The following IGSF9B variants were observed in gnomAD, a reference collection of about 807,000 sequenced individuals.
IGSF9B encodes the protein protein turtle homolog B.
A neutral mutation model predicts 143.7 loss-of-function variants in IGSF9B; 48 were observed. The observed-to-expected ratio is 0.33, with a 90% CI of 0.26 to 0.42. The LOEUF is 0.42. Among genes scored for constraint, IGSF9B ranks in the 20% least tolerant of loss-of-function variants. The pLI, the probability that IGSF9B is intolerant of heterozygous loss-of-function variation, is 1.00. For synonymous variants in IGSF9B, 903 were observed against 833.1 expected (o/e 1.08, Z -1.44); for missense variants, 1,706 against 1,980.0 (o/e 0.86, Z 2.63).
In IGSF9B at chr11:133,901,658, T is replaced by C. The variant is rs1482122947; in HGVS notation, c.*7411A>G. On this transcript the variant is annotated 3_prime_UTR_variant, in exon 20 of 20. Coordinates refer to ENST00000533871, the MANE Select transcript of IGSF9B (RefSeq NM_001277285.4). ...ATGTACAGTCTCCATAAAAAATACA[T>C]TAAAGATGGTGCATTACTAATTTGA... The C allele has an allele frequency of 2.6e-5, 4 of 152,248 alleles. No individual in the cohort carries two copies. Among genetic ancestry groups the C allele is most frequent in the Admixed American group, 2.6e-4 (4 of 15,300 alleles). The allele number at this position is 152,248 out of a possible 1,614,324, so 9.4% of individuals were successfully genotyped here.
chr11:133,902,618 C>T lies in IGSF9B; in HGVS notation c.*6451G>A, dbSNP rs921287534. Among the ~76,000 whole-genome samples, 2 of 151,710 alleles carry T rather than the reference C, an allele frequency of 1.3e-5. No individual in the cohort carries two copies. Among genetic ancestry groups the T allele is most frequent in the African/African-American group, 4.9e-5 (2 of 41,228 alleles). On this transcript the variant is annotated 3_prime_UTR_variant, in exon 20 of 20. Transcript: ENST00000533871. ...TTACTTCCTGAATCCAGAAAAGAAA[C>T]ACTGGACTAGACAGCTGGCTGGGGG... is the stretch of plus-strand genomic sequence containing the variant.
At chr11:133,919,548 GGTGGGCCCGCTGCGCCCC>G (rs1304596739) in intron 18 of IGSF9B, among the ~76,000 whole-genome samples, 176 bp downstream of exon 18, 2 of 152,214 alleles carry the variant, frequency 1.3e-5, no homozygotes, top group Non-Finnish European at 2.9e-5. Context: ...CACCTGGGCA[GGTGGGCCCGCTGCGCCCC>G]AGCGACTGCA....
Position 133,920,552 on chromosome 11 carries a change from G to C in IGSF9B, c.3173C>G (p.Pro1058Arg), listed in dbSNP as rs1457381154. Reference sequence around the variant, plus strand: ...CACATCACAGGGTGGCAGCTGGTGGGGGAACATCATCGCTGGGGTCTCCAG... The same window carrying C: ...CACATCACAGGGTGGCAGCTGGTGGCGGAACATCATCGCTGGGGTCTCCAG... ...GGLETPAMMF[P>R]HQLPPCDVPE... Residue 1058 changes from proline to arginine, a missense_variant, in exon 18 of 20, where the codon CCC becomes CGC. Physicochemically the swap from Pro to Arg is moderately radical, Grantham distance 103. Coordinates refer to ENST00000533871, the MANE Select transcript of IGSF9B (RefSeq NM_001277285.4). 6.2e-7 allele frequency: 1 copy of C among 1,612,646 alleles called. No homozygotes were observed. The highest frequency in any genetic ancestry group is 1.1e-5 in the South Asian group (1 of 90,940).
In IGSF9B at chr11:133,901,633, A is replaced by G. The variant is rs193121607; in HGVS notation, c.*7436T>C. 2.0e-5 allele frequency: 3 copies of G among 152,306 alleles called. No individual in the cohort carries two copies. In the East Asian group the frequency reaches 5.8e-4, roughly 29 times the overall value. 9.4% of individuals were successfully genotyped at this position (152,306 alleles called of 1,614,324 possible). A position where few individuals can be genotyped will look rare whatever the true frequency, so the allele number is the denominator to read the frequency against. On this transcript the variant is annotated 3_prime_UTR_variant, in exon 20 of 20. Transcript: ENST00000533871. ...CAATTCTGTAGATTTATATAATTTT[A>G]TGTACAGTCTCCATAAAAAATACAT...
Position 133,937,897 on chromosome 11 carries a change from G to A in IGSF9B, c.474C>T (p.Thr158=). 4 of 1,612,834 alleles carry A rather than the reference G, an allele frequency of 2.5e-6. No individual in the cohort carries two copies. The South Asian group carries it at 3.3e-5, about 13-fold the overall frequency. The part of the protein sequence containing the change: ...YIEAKEGGSI[T]MTCTAFGNPK... Reference sequence around the variant, plus strand: ...GGTTCCCAAAAGCTGTGCAGGTCATGGTGATACTACCACCCTCCTTGGCCT... The same window carrying A: ...GGTTCCCAAAAGCTGTGCAGGTCATAGTGATACTACCACCCTCCTTGGCCT... The change falls in exon 4 of 20, where the codon ACC becomes ACT. Residue 158 remains threonine (T), a synonymous_variant. Transcript: ENST00000533871.
rs951105893 is a variant in IGSF9B, at chr11:133,920,384, G to A, written c.3341C>T (p.Pro1114Leu). The stretch of plus-strand genomic sequence containing the variant: ...CTGCCACTTGGCGGCGGGGGGCGCT[G>A]GGACAGGGCCCCTGCCGGGCGACTT... ...AGKSPGRGPVPAPPAAKWQDR... is the reference protein window; with the variant it reads ...AGKSPGRGPVLAPPAAKWQDR... The change falls in exon 18 of 20, where the codon CCA (proline) becomes CTA (leucine). Residue 1114 changes from proline to leucine, a missense_variant. Physicochemically the swap from Pro to Leu is moderately conservative, Grantham distance 98. Coordinates refer to ENST00000533871, the MANE Select transcript of IGSF9B (RefSeq NM_001277285.4). 2 of 1,603,040 alleles carry A rather than the reference G, an allele frequency of 1.2e-6. No individual in the cohort carries two copies. The highest frequency in any genetic ancestry group is 1.7e-6 in the Non-Finnish European group (2 of 1,175,546).
chr11:133,924,535 G>C (rs1363862497), intron 15 of IGSF9B, among the ~76,000 whole-genome samples: 6 of 152,182 alleles, frequency 3.9e-5, no homozygotes, highest in Admixed American at 1.3e-4. Flanking sequence ...CTTCAATCAA[G>C]TCCTTTTTGA....
intron 1 of IGSF9B, among the ~76,000 whole-genome samples, chr11:133,947,853 CTCTG>C (rs1429724031): frequency 6.6e-6 from 1 of 151,942 alleles, no homozygotes; most frequent in Non-Finnish European, 1.5e-5. Context: ...TTGCTGGCTC[CTCTG>C]TCTGCCTGTC....
chr11:133,920,151 G>C lies in IGSF9B; in HGVS notation c.3574C>G (p.His1192Asp). 6.6e-7 allele frequency: 1 copy of C among 1,510,736 alleles called. No individual in the cohort carries two copies. Among genetic ancestry groups the C allele is most frequent in the Non-Finnish European group, 8.9e-7 (1 of 1,129,382 alleles). The allele number at this position is 1,510,736 out of a possible 1,614,324, so 93.6% of individuals were successfully genotyped here. Residue 1192 changes from histidine (H) to aspartate (D), a missense_variant, in exon 18 of 20, where the codon CAT becomes GAT. Physicochemically the swap from His to Asp is moderately conservative, Grantham distance 81. Transcript: ENST00000533871. ...RQARRAEPSL[H>D]QVVLQPSRLS... ...CGGGAGGGCTGTAGCACCACTTGAT[G>C]TAAACTGGGCTCGGCGCGCCTGGCC...
rs1940099480 is a variant in IGSF9B, at chr11:133,948,490, C to A, written c.65-2232G>T. ...AGCAGGGAGAGTGCCCAGCTGCAGCCTCACCTCCCCCACAGCCCCAGGGGC... is the reference window on the plus strand; with the variant it reads ...AGCAGGGAGAGTGCCCAGCTGCAGCATCACCTCCCCCACAGCCCCAGGGGC... On this transcript the variant is annotated intron_variant, in intron 1 of 19. Coordinates refer to ENST00000533871, the MANE Select transcript of IGSF9B (RefSeq NM_001277285.4). This position sits in a 1 kb window ranked among gnomAD's most constrained non-coding sequence, Gnocchi z 4.7. Among the ~76,000 whole-genome samples the A allele has an allele frequency of 6.6e-6, 1 of 152,126 alleles. No individual in the cohort carries two copies. Among genetic ancestry groups the A allele is most frequent in the Non-Finnish European group, 1.5e-5 (1 of 68,030 alleles).
At chr11:133,943,944 G>T (rs987368695) in intron 3 of IGSF9B, among the ~76,000 whole-genome samples, 1 of 152,212 alleles carries the variant, frequency 6.6e-6, no homozygotes, top group African/African-American at 2.4e-5. Flanking sequence ...GTTTGAAGTA[G>T]CAGCTTCCCA....
Position 133,901,837 on chromosome 11 carries a change from C to T in IGSF9B, c.*7232G>A, listed in dbSNP as rs537736236. ...ACACCACACCACACACACAAACACA[C>T]ACACACCACACACGCACCACACACG... On this transcript the variant is annotated 3_prime_UTR_variant, in exon 20 of 20. Coordinates refer to ENST00000533871, the MANE Select transcript of IGSF9B (RefSeq NM_001277285.4). Among the ~76,000 whole-genome samples, 1,215 of 147,994 alleles carry T rather than the reference C, an allele frequency of 8.2e-3. 3 individuals carry two copies. The highest frequency in any genetic ancestry group is 0.014 in the Non-Finnish European group (925 of 66,642).
In IGSF9B at chr11:133,901,876, C is replaced by CCACA. The variant is rs760587799; in HGVS notation, c.*7189_*7192dup. 7.0e-6 allele frequency among the ~76,000 whole-genome samples: 1 copy of CCACA among 142,148 alleles called. No homozygotes were observed. Among genetic ancestry groups the CCACA allele is most frequent in the Non-Finnish European group, 1.5e-5 (1 of 64,648 alleles). 93.3% of individuals were successfully genotyped at this position (142,148 alleles called of 152,430 possible). A position where few individuals can be genotyped will look rare whatever the true frequency, so the allele number is the denominator to read the frequency against. ...GCACCACACACGCACCACACACGCACCACACACACACACAACACACACACA... is the reference window on the plus strand; with the variant it reads ...GCACCACACACGCACCACACACGCACCACACACACACACACACAACACACACACA... On this transcript the variant is annotated 3_prime_UTR_variant, in exon 20 of 20. Transcript: ENST00000533871.
At chr11:133,951,966 GCC>G (rs956893261) in intron 1 of IGSF9B, 2 of 439,158 alleles carry the variant, frequency 4.6e-6, no homozygotes, top group African/African-American at 4.0e-5. Context: ...CAAGTCACAG[GCC>G]CCCGCTCCAT....
At chr11:133,926,289 G>C (rs763613312) in intron 13 of IGSF9B, among the ~76,000 whole-genome samples, 63 of 152,238 alleles carry the variant, frequency 4.1e-4, no homozygotes, top group Non-Finnish European at 7.8e-4. Context: ...TTCTTGGCCG[G>C]GGTTTGGGGG....
At chr11:133,922,306 G>A (rs748394032) in intron 16 of IGSF9B, 84 bp from the exon 17 acceptor site, 32 of 1,272,988 alleles carry the variant, frequency 2.5e-5, no homozygotes, top group African/African-American at 1.9e-4. Flanking sequence ...TGACAGAGCC[G>A]GAGCACCACC....
intron 1 of IGSF9B, among the ~76,000 whole-genome samples, chr11:133,954,492 A>G (rs1320912009): frequency 6.6e-6 from 1 of 152,184 alleles, no homozygotes; most frequent in Admixed American, 6.5e-5. Flanking sequence ...AAAGAAATTG[A>G]GGAGGATCTT....
chr11:133,909,123 T>G lies in IGSF9B; in HGVS notation c.4260A>C (p.Thr1420=). The change falls in exon 20 of 20, where the codon ACA becomes ACC. Residue 1420 remains threonine, a synonymous_variant. Transcript: ENST00000533871. This position sits in a 1 kb window ranked among gnomAD's most constrained non-coding sequence, Gnocchi z 4.2. Reference sequence around the variant, plus strand: ...CGTGGTCCACACTGTTGAGAATCGCTGTCTGGTCTTCCGGAAGCTGGCGGT... The same window carrying G: ...CGTGGTCCACACTGTTGAGAATCGCGGTCTGGTCTTCCGGAAGCTGGCGGT... ...LCHRQLPEDQ[T]AILNSVDHDD... is the part of the protein sequence containing the mutation. The G allele has an allele frequency of 6.5e-7, 1 of 1,535,912 alleles. No homozygotes were observed. Among genetic ancestry groups the G allele is most frequent in the Non-Finnish European group, 8.7e-7 (1 of 1,146,734 alleles).
In IGSF9B at chr11:133,921,195, TGGCCTCTGCCTC is replaced by T. The variant is rs774116125; in HGVS notation, c.2518_2529del (p.Glu840_Ala843del). On this transcript the variant is annotated inframe_deletion, in exon 18 of 20. Transcript: ENST00000533871. ...CTGCTGATGAGCTCGATGGGCGTGG[TGGCCTCTGCCTC>T]GGCCTCTGCCTTGGCCACGCTGTAC... is the stretch of plus-strand genomic sequence containing the variant. The T allele has an allele frequency of 1.7e-5, 27 of 1,608,990 alleles. No individual in the cohort carries two copies. The highest frequency in any genetic ancestry group is 1.7e-4 in the Middle Eastern group (1 of 6,050).
Sources: gnomAD v4.1 joint callset for allele counts (sites outside exome capture counted in the v4.1 genomes callset) on GRCh38, gnomAD v4.1.1 for gene constraint, Gnocchi (gnomAD v3.1) non-coding constraint, MANE v1.5 for transcripts, NCBI Gene and HGNC (gene_info 2026-07-23, HGNC 2026-07-21) for gene names.